CD86: variants seen among roughly 807,000 people sequenced by gnomAD.
CD86 encodes the protein CD86 molecule.
CD86 carries 11 observed loss-of-function variants against 32.1 expected under a neutral mutation model. The ratio of observed to expected loss-of-function variants is 0.34; its 90% confidence interval spans 0.22 to 0.57. The LOEUF is 0.57. Among genes scored for constraint, CD86 ranks in the 20% least tolerant of loss-of-function variants. The pLI is 0.86. For missense variants in CD86, 359 were observed against 398.4 expected (o/e 0.90, Z 0.84); for synonymous variants, 137 against 135.3 (o/e 1.01, Z -0.09).
intron 1 of CD86, among the ~76,000 whole-genome samples, chr3:122,059,813 T>G (rs2072300072): frequency 6.6e-6 from 1 of 152,032 alleles, no homozygotes; most frequent in South Asian, 2.1e-4. Context: ...TTAGGGTGGG[T>G]CCTAATCCAA....
intron 1 of CD86, among the ~76,000 whole-genome samples, chr3:122,078,918 G>A (rs1031358517): frequency 7.2e-5 from 11 of 152,172 alleles, no homozygotes; most frequent in Admixed American, 5.9e-4. Flanking sequence ...CTTGCAGTTC[G>A]TGTTATGTCT....
Position 122,109,425 on chromosome 3 carries a change from C to A in CD86, c.847+17C>A. On this transcript the variant is annotated intron_variant, in intron 5 of 6. Coordinates refer to ENST00000330540, the MANE Select transcript of CD86 (RefSeq NM_175862.5). Reference sequence around the variant, plus strand: ...ATAAATGTGGTGAGTGAGTCCTTGTCCTCCCCACAGACTGTCACTTTGCAC... The same window carrying A: ...ATAAATGTGGTGAGTGAGTCCTTGTACTCCCCACAGACTGTCACTTTGCAC... The A allele has an allele frequency of 6.2e-7, 1 of 1,613,648 alleles. No individual in the cohort carries two copies. Among genetic ancestry groups the A allele is most frequent in the South Asian group, 1.1e-5 (1 of 91,018 alleles).
chr3:122,085,836 C>T (rs938722215), intron 1 of CD86, among the ~76,000 whole-genome samples: 1 of 152,226 alleles, frequency 6.6e-6, no homozygotes, highest in Non-Finnish European at 1.5e-5. Flanking sequence ...GAGCTCTACT[C>T]TCCTCTCAGC....
Position 122,106,415 on chromosome 3 carries a change from A to T in CD86, c.618A>T (p.Ser206=), listed in dbSNP as rs375108955. ...LYDVSISLSV[S]FPDVTSNMTI... ...ACGTTTCCATCAGCTTGTCTGTTTCATTCCCTGATGTTACGAGCAATATGA... is the reference window on the plus strand; with the variant it reads ...ACGTTTCCATCAGCTTGTCTGTTTCTTTCCCTGATGTTACGAGCAATATGA... Residue 206 remains serine, a synonymous_variant, in exon 4 of 7, where the codon TCA becomes TCT. Transcript: ENST00000330540. 9 of 1,613,944 alleles carry T rather than the reference A, an allele frequency of 5.6e-6. No homozygotes were observed. Among genetic ancestry groups the T allele is most frequent in the Non-Finnish European group, 6.8e-6 (8 of 1,179,954 alleles).
In CD86 at chr3:122,120,477, T is replaced by C. The variant is rs531230600; in HGVS notation, c.*943T>C. On this transcript the variant is annotated 3_prime_UTR_variant, in exon 7 of 7. Transcript: ENST00000330540. ...GGTCTGTCCACCCCATCAACAAGTCTTGAAACAAGCAACAGATGGATAGTC... is the reference window on the plus strand; with the variant it reads ...GGTCTGTCCACCCCATCAACAAGTCCTGAAACAAGCAACAGATGGATAGTC... 1 of 152,322 alleles carries C rather than the reference T, an allele frequency of 6.6e-6. No individual in the cohort carries two copies. Among genetic ancestry groups the C allele is most frequent in the East Asian group, 1.9e-4 (1 of 5,178 alleles). The allele number at this position is 152,322 out of a possible 1,614,324, so 9.4% of individuals were successfully genotyped here. A position where few individuals can be genotyped will look rare whatever the true frequency, so the allele number is the denominator to read the frequency against.
intron 1 of CD86, among the ~76,000 whole-genome samples, chr3:122,063,956 AAAAC>A (rs1441735845): frequency 6.6e-6 from 1 of 152,244 alleles, no homozygotes; most frequent in East Asian, 1.9e-4. Context: ...ATTGGTTTAC[AAAAC>A]AAACAAACAA....
chr3:122,068,028 A>G (rs1407451061), intron 1 of CD86, among the ~76,000 whole-genome samples: 1 of 152,192 alleles, frequency 6.6e-6, no homozygotes, highest in East Asian at 1.9e-4. Flanking sequence ...TTTGGTCACA[A>G]AGTTGCCACA....
At chr3:122,073,814 A>G (rs1266385359) in intron 1 of CD86, among the ~76,000 whole-genome samples, 2 of 152,204 alleles carry the variant, frequency 1.3e-5, no homozygotes, top group African/African-American at 2.4e-5. Context: ...TATTATGCAT[A>G]GGATATGAAT....
At chr3:122,073,307 G>A (rs531696210) in intron 1 of CD86, among the ~76,000 whole-genome samples, 4 of 151,716 alleles carry the variant, frequency 2.6e-5, no homozygotes, top group South Asian at 2.1e-4. Context: ...TTTGCTGTCC[G>A]TGTACCTTCT....
At chr3:122,067,931 A>G (rs2072437051) in intron 1 of CD86, among the ~76,000 whole-genome samples, 1 of 152,320 alleles carries the variant, frequency 6.6e-6, no homozygotes, top group Non-Finnish European at 1.5e-5. Context: ...TTGCAACTCT[A>G]TGATTCTGCA....
At chr3:122,086,538 T>C (rs1177347331) in intron 1 of CD86, 1 of 463,220 alleles carries the variant, frequency 2.2e-6, no homozygotes. Context: ...CCCAGAGCTC[T>C]TCTAGATATG....
chr3:122,074,837 G>A (rs2072535324), intron 1 of CD86, among the ~76,000 whole-genome samples: 1 of 152,104 alleles, frequency 6.6e-6, no homozygotes, highest in Non-Finnish European at 1.5e-5. Context: ...GGCAGTGGAG[G>A]AAGCAGCCCC....
chr3:122,078,380 G>A (rs2072583943), intron 1 of CD86, among the ~76,000 whole-genome samples: 1 of 152,202 alleles, frequency 6.6e-6, no homozygotes. Flanking sequence ...AGCAGCCTCT[G>A]CTCTAGAAGA....
chr3:122,096,883 G>A (rs1413356512), intron 2 of CD86, among the ~76,000 whole-genome samples: 2 of 152,116 alleles, frequency 1.3e-5, no homozygotes, highest in East Asian at 3.8e-4. Context: ...CCAGTGTATT[G>A]TTCTTATAAA....
intron 1 of CD86, among the ~76,000 whole-genome samples, chr3:122,085,164 CAAAT>C (rs1333409910): frequency 6.6e-6 from 1 of 152,156 alleles, no homozygotes; most frequent in Non-Finnish European, 1.5e-5. Flanking sequence ...GAACCAATAG[CAAAT>C]GAATGAATGA....
chr3:122,101,537 T>TAG (rs1210508261), intron 2 of CD86, among the ~76,000 whole-genome samples: 21 of 139,250 alleles, frequency 1.5e-4, no homozygotes, highest in Non-Finnish European at 2.5e-4. Flanking sequence ...TATATATATA[T>TAG]ATATGTAAAT....
intron 1 of CD86, among the ~76,000 whole-genome samples, chr3:122,071,185 A>G (rs2072483879): frequency 6.6e-6 from 1 of 152,100 alleles, no homozygotes; most frequent in Non-Finnish European, 1.5e-5. Context: ...GTACAGTTCT[A>G]TGGATTTTGA....
intron 2 of CD86, among the ~76,000 whole-genome samples, chr3:122,095,477 G>T (rs943647741): frequency 1.3e-5 from 2 of 152,108 alleles, no homozygotes. Context: ...GAGCCACTGC[G>T]CCCGGCCCAC....
chr3:122,108,165 A>G (rs976494547), intron 4 of CD86, among the ~76,000 whole-genome samples: 1 of 152,218 alleles, frequency 6.6e-6, no homozygotes, highest in Admixed American at 6.5e-5. Flanking sequence ...CCAAACTTCA[A>G]CAGGTACCCC....
Sources: allele counts gnomAD v4.1 joint callset (sites outside exome capture counted in the v4.1 genomes callset), GRCh38; gene constraint gnomAD v4.1.1; transcripts MANE v1.5; gene names NCBI Gene and HGNC (gene_info 2026-07-23, HGNC 2026-07-21).